SLC16A7: variants seen among roughly 807,000 people sequenced by gnomAD.
SLC16A7 encodes monocarboxylate transporter 2.
Under a neutral mutation model 34.9 loss-of-function variants are expected in SLC16A7, and 33 were observed. That is an observed-to-expected ratio of 0.94 (90% CI 0.72 to 1.26). SLC16A7 has a LOEUF of 1.26. SLC16A7 is among the 50% of genes most tolerant of loss of function. The pLI, the probability that SLC16A7 is intolerant of heterozygous loss-of-function variation, is 0.00. For synonymous variants in SLC16A7, 201 were observed against 206.6 expected (o/e 0.97, Z 0.23); for missense variants, 573 against 578.1 (o/e 0.99, Z 0.09).
At chr12:59,773,764 C>T (rs902997354) in intron 4 of SLC16A7, among the ~76,000 whole-genome samples, 3 of 152,032 alleles carry the variant, frequency 2.0e-5, no homozygotes, top group Non-Finnish European at 4.4e-5. Context: ...GGGGTTTCAC[C>T]ATGTTGGCCA....
intron 1 of SLC16A7, among the ~76,000 whole-genome samples, chr12:59,630,990 T>G (rs1880157346): frequency 6.6e-6 from 1 of 151,966 alleles, no homozygotes; most frequent in Non-Finnish European, 1.5e-5. Context: ...TAGCTACATA[T>G]TAACCTCTTA....
rs1883536248 is a variant in SLC16A7, at chr12:59,785,373, G to T, written c.*5694G>T. On this transcript the variant is annotated 3_prime_UTR_variant, in exon 6 of 6. Transcript: ENST00000547379. ...TTTATGTGCAAATCAGGGAAGAATT[G>T]CTGTAGTATTGAGAATGGTCATTTT... 1.3e-5 allele frequency: 2 copies of T among 152,070 alleles called. No individual in the cohort carries two copies. Among genetic ancestry groups the T allele is most frequent in the African/African-American group, 4.8e-5 (2 of 41,432 alleles). The allele number at this position is 152,070 out of a possible 1,614,324, so 9.4% of individuals were successfully genotyped here.
intron 3 of SLC16A7, among the ~76,000 whole-genome samples, chr12:59,752,199 TCTC>T (rs894281721): frequency 7.2e-5 from 11 of 152,098 alleles, no homozygotes; most frequent in African/African-American, 1.4e-4. Context: ...GCAGAGCACC[TCTC>T]CTCCTCCAAA....
Position 59,704,678 on chromosome 12 carries a change from G to C in SLC16A7, c.-30-94G>C, listed in dbSNP as rs746428578. 2.2e-5 allele frequency: 14 copies of C among 644,546 alleles called. No homozygotes were observed. In the South Asian group the frequency reaches 2.3e-4, roughly 11 times the overall value. 39.9% of individuals were successfully genotyped at this position (644,546 alleles called of 1,614,324 possible). A position where few individuals can be genotyped will look rare whatever the true frequency, so the allele number is the denominator to read the frequency against. ...AATATTCATGAAAAATCATATTGTA[G>C]TTTTAACTGGAAAGTACTATTTTAG... On this transcript the variant is annotated intron_variant, in intron 2 of 5. Coordinates refer to ENST00000547379, the MANE Select transcript of SLC16A7 (RefSeq NM_001270623.2).
At chr12:59,623,078 G>GTGTGTGTGTGTGTGTC (rs1879767732) in intron 1 of SLC16A7, among the ~76,000 whole-genome samples, 1 of 147,852 alleles carries the variant, frequency 6.8e-6, no homozygotes, top group South Asian at 2.1e-4. Flanking sequence ...GTGTGTGTGT[G>GTGTGTGTGTGTGTGTC]TGTGTGTGTG....
At chr12:59,733,741 C>G (rs562037596) in intron 3 of SLC16A7, 2 of 456,026 alleles carry the variant, frequency 4.4e-6, no homozygotes, top group South Asian at 3.1e-5. Flanking sequence ...CATCTCACCT[C>G]CAGGAAGAAT....
intron 3 of SLC16A7, among the ~76,000 whole-genome samples, chr12:59,769,903 A>C (rs760312435): frequency 1.8e-4 from 28 of 152,068 alleles, no homozygotes; most frequent in Admixed American, 1.5e-3. Context: ...CCCTAGTTTC[A>C]GATGAAATAC....
chr12:59,701,603 ATGCTGGGAAAATT>A lies in SLC16A7; in HGVS notation c.-30-3168_-30-3156del, dbSNP rs563661461. Among the ~76,000 whole-genome samples, 488 of 151,808 alleles carry A rather than the reference ATGCTGGGAAAATT, an allele frequency of 3.2e-3. 1 individual carries two copies. The highest frequency in any genetic ancestry group is 4.1e-3 in the Non-Finnish European group (281 of 67,724). Reference sequence around the variant, plus strand: ...CATTTCTTAAGGGGGGCATATTTAAATGCTGGGAAAATTCTAATTCATAGAATTTATACTAGTG... The same window carrying A: ...CATTTCTTAAGGGGGGCATATTTAAACTAATTCATAGAATTTATACTAGTG... On this transcript the variant is annotated intron_variant, in intron 2 of 5. Transcript: ENST00000547379.
chr12:59,698,423 T>C lies in SLC16A7; in HGVS notation c.-30-6349T>C, dbSNP rs139252799. ...TTACTGCATTTGTTGTTTCTTCAAT[T>C]CTAAGAAGCACATATTTCACATTTT... On this transcript the variant is annotated intron_variant, in intron 2 of 5. Coordinates refer to ENST00000547379, the MANE Select transcript of SLC16A7 (RefSeq NM_001270623.2). 1.4e-3 allele frequency among the ~76,000 whole-genome samples: 210 copies of C among 151,888 alleles called. 1 individual carries two copies. Among genetic ancestry groups the C allele is most frequent in the Middle Eastern group, 6.8e-3 (2 of 294 alleles).
chr12:59,622,839 G>A (rs10877322), intron 1 of SLC16A7, among the ~76,000 whole-genome samples: 89 of 151,822 alleles, frequency 5.9e-4, no homozygotes, highest in African/African-American at 1.6e-3. Context: ...TTTAATTAAC[G>A]TAGGTTTTAA....
intron 3 of SLC16A7, among the ~76,000 whole-genome samples, chr12:59,712,996 CTTTTCTTTTCTTTTCTTTTT>C (rs1251643242): frequency 4.6e-5 from 7 of 151,298 alleles, no homozygotes; most frequent in African/African-American, 1.2e-4. Flanking sequence ...TGGATGTTTT[CTTTTCTTTTCTTTTCTTTTT>C]TTTTCTTTTC....
chr12:59,733,436 G>T (rs540005514), intron 3 of SLC16A7, among the ~76,000 whole-genome samples: 2 of 152,254 alleles, frequency 1.3e-5, no homozygotes, highest in African/African-American at 2.4e-5. Flanking sequence ...AGCTCCAGGC[G>T]CTGGCAAAGG....
chr12:59,608,574 G>T (rs903152830), intron 1 of SLC16A7, among the ~76,000 whole-genome samples: 2 of 152,168 alleles, frequency 1.3e-5, no homozygotes, highest in African/African-American at 4.8e-5. Flanking sequence ...CTGGCCTCTT[G>T]TGCCATGGGG....
At position 59,665,899 on chromosome 12, in the gene SLC16A7, C is replaced by T. The variant is rs558736723; in HGVS notation, c.-31+10649C>T. On this transcript the variant is annotated intron_variant, in intron 2 of 5. Transcript: ENST00000547379. Reference sequence around the variant, plus strand: ...GTGTCTGACCTTTGTTATCTTTATTCGGCAAGTATCCAAAGCCAAAAAGCT... The same window carrying T: ...GTGTCTGACCTTTGTTATCTTTATTTGGCAAGTATCCAAAGCCAAAAAGCT... 3.6e-4 allele frequency among the ~76,000 whole-genome samples: 54 copies of T among 151,034 alleles called. 1 individual carries two copies. Among genetic ancestry groups the T allele is most frequent in the South Asian group, 2.9e-3 (14 of 4,792 alleles).
chr12:59,757,756 CT>C (rs1220461866), intron 3 of SLC16A7, among the ~76,000 whole-genome samples: 1 of 152,020 alleles, frequency 6.6e-6, no homozygotes, highest in Non-Finnish European at 1.5e-5. Context: ...CCTCCTCAGC[CT>C]ACTTAACGTG....
At chr12:59,761,061 A>T (rs914364770) in intron 3 of SLC16A7, 1 of 679,920 alleles carries the variant, frequency 1.5e-6, no homozygotes, top group African/African-American at 1.9e-5. Context: ...TATTTAAAAA[A>T]TCACGTCTTG....
chr12:59,771,090 A>T, intron 3 of SLC16A7, 129 bp from the exon 4 acceptor site: 1 of 790,418 alleles, frequency 1.3e-6, no homozygotes, highest in Admixed American at 2.6e-5. Flanking sequence ...ATTATGTTTC[A>T]TGTGAACTAG....
intron 3 of SLC16A7, chr12:59,734,067 G>C (rs912206124): frequency 1.1e-5 from 3 of 266,172 alleles, no homozygotes; most frequent in Non-Finnish European, 2.3e-5. Context: ...AGAACTGACA[G>C]TCTGACCCCC....
chr12:59,641,375 A>C (rs961336580), intron 1 of SLC16A7, among the ~76,000 whole-genome samples: 2 of 152,078 alleles, frequency 1.3e-5, no homozygotes, highest in African/African-American at 4.8e-5. Flanking sequence ...CATGGTATGC[A>C]TTCATTTATT....
Sources: allele counts gnomAD v4.1 joint callset (sites outside exome capture counted in the v4.1 genomes callset), GRCh38; gene constraint gnomAD v4.1.1; transcripts MANE v1.5; gene names NCBI Gene and HGNC (gene_info 2026-07-23, HGNC 2026-07-21).